The following TOP6BL variants were observed in gnomAD, a reference collection of about 807,000 sequenced individuals.
TOP6BL encodes TOP6B like initiator of meiotic double strand breaks.
chr11:66,785,304 G>A, the TOP6BL span, among the ~76,000 whole-genome samples: 3 of 151,908 alleles, frequency 2.0e-5, no homozygotes, highest in Non-Finnish European at 2.9e-5. Flanking sequence ...TTTAATTTAC[G>A]ACAGTGTTTC....
the TOP6BL span, among the ~76,000 whole-genome samples, chr11:66,753,936 A>G: frequency 6.6e-6 from 1 of 151,840 alleles, no homozygotes; most frequent in East Asian, 1.9e-4. Context: ...AACTCCTGAC[A>G]TCAGGTGATA....
At chr11:66,750,723 A>G in the TOP6BL span, among the ~76,000 whole-genome samples, 1 of 149,522 alleles carries the variant, frequency 6.7e-6, no homozygotes, top group Non-Finnish European at 1.5e-5. Flanking sequence ...TCCCCCAAAT[A>G]TGGTCTCACT....
At chr11:66,804,330 AG>A in the TOP6BL span, 2 of 844,744 alleles carry the variant, frequency 2.4e-6, no homozygotes, top group Non-Finnish European at 3.4e-6. Context: ...CTAATGTGAA[AG>A]CCAAGCTTGA....
At chr11:66,798,845 G>A in the TOP6BL span, among the ~76,000 whole-genome samples, 3 of 151,870 alleles carry the variant, frequency 2.0e-5, no homozygotes. Flanking sequence ...AGGCCGAGGT[G>A]GGTGGATCAC....
the TOP6BL span, chr11:66,744,840 CGGCG>C: frequency 6.0e-6 from 8 of 1,329,374 alleles, no homozygotes; most frequent in Non-Finnish European, 7.7e-6. Flanking sequence ...GCGGCGGCGG[CGGCG>C]GGCGGGTACC....
At chr11:66,784,601 GC>G in the TOP6BL span, among the ~76,000 whole-genome samples, 1 of 152,286 alleles carries the variant, frequency 6.6e-6, no homozygotes, top group East Asian at 1.9e-4. Flanking sequence ...CTGTCGATTT[GC>G]TTATTTTGGA....
At chr11:66,810,505 G>A in the TOP6BL span, among the ~76,000 whole-genome samples, 2 of 152,162 alleles carry the variant, frequency 1.3e-5, no homozygotes, top group African/African-American at 4.8e-5. Context: ...CTCTAAAGAT[G>A]GTTTTGAGGT....
the TOP6BL span, chr11:66,762,476 GTT>G: frequency 3.7e-6 from 1 of 268,074 alleles, no homozygotes; most frequent in Non-Finnish European, 7.0e-6. Context: ...TTTTTTGTTT[GTT>G]TGTTTCTTTG....
the TOP6BL span, chr11:66,843,470 C>A: frequency 2.8e-6 from 4 of 1,424,950 alleles, no homozygotes; most frequent in African/African-American, 6.1e-5. Flanking sequence ...CGGCGCTGGG[C>A]GGGGATGGGC....
chr11:66,788,596 C>G, the TOP6BL span, among the ~76,000 whole-genome samples: 2 of 152,340 alleles, frequency 1.3e-5, no homozygotes, highest in African/African-American at 4.8e-5. Flanking sequence ...GCTAGACGTC[C>G]AAGATCAAGG....
chr11:66,842,768 T>A, the TOP6BL span: 7 of 1,368,680 alleles, frequency 5.1e-6, no homozygotes, highest in Non-Finnish European at 5.9e-6. Context: ...CGGCGCCCGT[T>A]CTCCCAGGCT....
the TOP6BL span, among the ~76,000 whole-genome samples, chr11:66,791,025 G>A: frequency 1.3e-5 from 2 of 152,178 alleles, no homozygotes; most frequent in African/African-American, 4.8e-5. Flanking sequence ...TTTTGGTACT[G>A]TGCAGCTATG....
At chr11:66,841,312 T>G in the TOP6BL span, among the ~76,000 whole-genome samples, 8 of 151,928 alleles carry the variant, frequency 5.3e-5, no homozygotes, top group Non-Finnish European at 1.2e-4. Context: ...GAGACGGGGT[T>G]TCACCATGTT....
At chr11:66,794,113 A>T in the TOP6BL span, among the ~76,000 whole-genome samples, 1 of 74,612 alleles carries the variant, frequency 1.3e-5, no homozygotes, top group Admixed American at 1.2e-4. Context: ...CCCTGTTTCT[A>T]AAAAAAAAAA....
the TOP6BL span, among the ~76,000 whole-genome samples, chr11:66,783,899 C>T: frequency 6.6e-6 from 1 of 152,202 alleles, no homozygotes; most frequent in South Asian, 2.1e-4. Context: ...GATCATGGTT[C>T]ACTGCAGCCT....
At chr11:66,764,825 G>GA in the TOP6BL span, among the ~76,000 whole-genome samples, 5 of 151,816 alleles carry the variant, frequency 3.3e-5, no homozygotes, top group African/African-American at 1.2e-4. Context: ...CCAGGCATGT[G>GA]AAAATCAGCT....
chr11:66,754,574 A>G, the TOP6BL span, among the ~76,000 whole-genome samples: 2 of 152,344 alleles, frequency 1.3e-5, no homozygotes, highest in East Asian at 1.9e-4. Flanking sequence ...TAGCATCACT[A>G]AAAGGTGATC....
the TOP6BL span, among the ~76,000 whole-genome samples, chr11:66,811,243 C>T: frequency 1.3e-4 from 20 of 152,318 alleles, no homozygotes; most frequent in African/African-American, 4.6e-4. Context: ...TCTCAGCTTA[C>T]TGCAACCTCT....
chr11:66,805,963 A>T, the TOP6BL span, among the ~76,000 whole-genome samples: 37 of 152,236 alleles, frequency 2.4e-4, no homozygotes, highest in Admixed American at 3.3e-4. Flanking sequence ...AGATAAAAAA[A>T]CATTAATAGC....
Sources: gnomAD v4.1 joint callset for allele counts (sites outside exome capture counted in the v4.1 genomes callset) on GRCh38, gnomAD v4.1.1 for gene constraint, MANE v1.5 for transcripts, NCBI Gene and HGNC (gene_info 2026-07-23, HGNC 2026-07-21) for gene names.